The following PPP3CA variants were observed in gnomAD, a reference collection of about 807,000 sequenced individuals.
The protein encoded by PPP3CA is protein phosphatase 3 catalytic subunit alpha.
PPP3CA carries 14 observed loss-of-function variants against 66.5 expected under a neutral mutation model. The observed-to-expected ratio is 0.21, with a 90% CI of 0.14 to 0.33. The LOEUF (loss-of-function observed/expected upper bound fraction) is 0.33. Among genes scored for constraint, PPP3CA ranks in the 10% least tolerant of loss-of-function variants. The probability of loss-of-function intolerance (pLI) is 1.00; values close to 1 mark genes in which losing one functional copy is unlikely to be tolerated. For synonymous variants in PPP3CA, 232 were observed against 226.2 expected (o/e 1.03, Z -0.23); for missense variants, 317 against 639.5 (o/e 0.50, Z 5.44).
chr4:101,238,147 CCTT>C (rs1277845502), intron 1 of PPP3CA, among the ~76,000 whole-genome samples: 1 of 152,002 alleles, frequency 6.6e-6, no homozygotes. Flanking sequence ...TCCAGACAAA[CCTT>C]CTTTTTAAAG....
intron 10 of PPP3CA, among the ~76,000 whole-genome samples, chr4:101,053,698 G>A (rs898590702): frequency 6.6e-6 from 1 of 151,972 alleles, no homozygotes; most frequent in Non-Finnish European, 1.5e-5. Flanking sequence ...TCTCCTGGAG[G>A]TGGTGACTTT....
Position 101,344,907 on chromosome 4 carries a change from G to GTTA in PPP3CA, c.58+1831_58+1832insTAA, listed in dbSNP as rs1729930770. 1.2e-4 allele frequency among the ~76,000 whole-genome samples: 19 copies of GTTA among 152,246 alleles called. No homozygotes were observed. The South Asian group carries it at 3.9e-3, about 32-fold the overall frequency. On this transcript the variant is annotated intron_variant, in intron 1 of 13. Transcript: ENST00000394854. ...ATTGTTTTGATCTTAACCTAGATTGGAGCTACATCTAAACTTCACACATTA... is the reference window on the plus strand; with the variant it reads ...ATTGTTTTGATCTTAACCTAGATTGGTTAAGCTACATCTAAACTTCACACATTA...
chr4:101,334,815 C>T (rs919108278), intron 1 of PPP3CA, among the ~76,000 whole-genome samples: 1 of 152,046 alleles, frequency 6.6e-6, no homozygotes, highest in Non-Finnish European at 1.5e-5. Flanking sequence ...TTCTTCCCCC[C>T]AGAGATATAC....
At chr4:101,194,100 C>A (rs1224375556) in intron 2 of PPP3CA, among the ~76,000 whole-genome samples, 1 of 152,132 alleles carries the variant, frequency 6.6e-6, no homozygotes. Context: ...GCTTGACTTA[C>A]TCACCACTGG....
chr4:101,029,036 G>A, intron 13 of PPP3CA, 130 bp downstream of exon 13: 2 of 742,798 alleles, frequency 2.7e-6, no homozygotes, highest in Non-Finnish European at 4.5e-6. Flanking sequence ...AGAACATTTT[G>A]GTTAATACTG....
intron 1 of PPP3CA, among the ~76,000 whole-genome samples, chr4:101,200,059 A>G (rs1724920454): frequency 6.6e-6 from 1 of 152,150 alleles, no homozygotes; most frequent in Non-Finnish European, 1.5e-5. Context: ...GGTTAATTTT[A>G]GACCACAAAC....
At chr4:101,053,307 T>C (rs778440104) in intron 10 of PPP3CA, among the ~76,000 whole-genome samples, 3 of 152,150 alleles carry the variant, frequency 2.0e-5, no homozygotes, top group Non-Finnish European at 4.4e-5. Flanking sequence ...ATGGTCCTAA[T>C]TCTGGCCAGA....
At chr4:101,129,602 C>G (rs1722361626) in intron 2 of PPP3CA, among the ~76,000 whole-genome samples, 1 of 152,218 alleles carries the variant, frequency 6.6e-6, no homozygotes, top group Non-Finnish European at 1.5e-5. Context: ...ACCAGGCAAA[C>G]AGGGTCTGGA....
At chr4:101,281,178 A>G (rs752628895) in intron 1 of PPP3CA, among the ~76,000 whole-genome samples, 4 of 152,252 alleles carry the variant, frequency 2.6e-5, no homozygotes, top group African/African-American at 4.8e-5. Context: ...GCTCTGAAGC[A>G]GTGAATGAGG....
rs570915004 is a variant in PPP3CA, at chr4:101,047,493, C to G, written c.1157-6927G>C. On this transcript the variant is annotated intron_variant, in intron 10 of 13. Transcript: ENST00000394854. The stretch of plus-strand genomic sequence containing the variant: ...GCAATTTGAGTCCCACTATCATTCA[C>G]TTAGAGAAAAGTCCGTGAATAAAAT... Among the ~76,000 whole-genome samples, 8 of 152,242 alleles carry G rather than the reference C, an allele frequency of 5.3e-5. No homozygotes were observed. The South Asian group carries it at 1.7e-3, about 32-fold the overall frequency.
intron 1 of PPP3CA, among the ~76,000 whole-genome samples, chr4:101,270,949 TTATATA>T (rs984810584): frequency 6.6e-6 from 1 of 152,098 alleles, no homozygotes; most frequent in Non-Finnish European, 1.5e-5. Context: ...TAGACCTCTG[TTATATA>T]TATTTGAGAC....
intron 8 of PPP3CA, among the ~76,000 whole-genome samples, chr4:101,075,717 T>C (rs1359723921): frequency 6.6e-6 from 1 of 151,852 alleles, no homozygotes. Context: ...TATTTCTCAA[T>C]CCAGAGAGAT....
At chr4:101,072,887 G>T (rs1728978217) in intron 8 of PPP3CA, among the ~76,000 whole-genome samples, 1 of 144,738 alleles carries the variant, frequency 6.9e-6, no homozygotes, top group South Asian at 2.2e-4. Context: ...AGTGAGCCGA[G>T]ATTGAGCCAC....
Position 101,025,400 on chromosome 4 carries a change from T to C in PPP3CA, c.*465A>G, listed in dbSNP as rs905034513. 2.0e-5 allele frequency: 3 copies of C among 152,016 alleles called. No individual in the cohort carries two copies. Among genetic ancestry groups the C allele is most frequent in the Non-Finnish European group, 4.4e-5 (3 of 68,012 alleles). The allele number at this position is 152,016 out of a possible 1,614,324, so 9.4% of individuals were successfully genotyped here. ...CAATAAATAGTCCTTAGTTTGTACA[T>C]CATTTTGTTAAAAATGTTTGATGTC... is the stretch of plus-strand genomic sequence containing the variant. On this transcript the variant is annotated 3_prime_UTR_variant, in exon 14 of 14. Coordinates refer to ENST00000394854, the MANE Select transcript of PPP3CA (RefSeq NM_000944.5).
Position 101,106,725 on chromosome 4 carries a change from C to A in PPP3CA, c.384+2229G>T, listed in dbSNP as rs1228242457. ...AACATCCTTAAACAAGAAGATATAC[C>A]CTTCTCTTTCTCCCTTTCCTCCTTG... On this transcript the variant is annotated intron_variant, in intron 3 of 13. Coordinates refer to ENST00000394854, the MANE Select transcript of PPP3CA (RefSeq NM_000944.5). 3.3e-5 allele frequency among the ~76,000 whole-genome samples: 5 copies of A among 152,118 alleles called. No individual in the cohort carries two copies. The East Asian group carries it at 7.8e-4, about 24-fold the overall frequency.
intron 12 of PPP3CA, among the ~76,000 whole-genome samples, chr4:101,031,129 T>C (rs138834453): frequency 2.0e-5 from 3 of 152,234 alleles, no homozygotes; most frequent in Non-Finnish European, 2.9e-5. Context: ...AGACAATTAA[T>C]GTGATGCAGC....
intron 1 of PPP3CA, among the ~76,000 whole-genome samples, chr4:101,320,452 A>ATATG (rs535586811): frequency 0.028 from 4,132 of 147,138 alleles, 153 homozygotes; most frequent in African/African-American, 0.09. Context: ...AAAACCACTC[A>ATATG]TATGTATGTA....
At chr4:101,198,118 A>G (rs894853506) in intron 1 of PPP3CA, among the ~76,000 whole-genome samples, 1 of 152,224 alleles carries the variant, frequency 6.6e-6, no homozygotes, top group Non-Finnish European at 1.5e-5. Context: ...AAGTAATAAA[A>G]GAAATCTGAA....
intron 3 of PPP3CA, among the ~76,000 whole-genome samples, chr4:101,105,780 T>C (rs1248619613): frequency 6.6e-6 from 1 of 152,052 alleles, no homozygotes; most frequent in African/African-American, 2.4e-5. Context: ...AGATAGGAAG[T>C]TGTGAAAAGT....
Sources: allele counts gnomAD v4.1 joint callset (sites outside exome capture counted in the v4.1 genomes callset), GRCh38; gene constraint gnomAD v4.1.1; transcripts MANE v1.5; gene names NCBI Gene and HGNC (gene_info 2026-07-23, HGNC 2026-07-21).